Variants in TECTB observed in about 807,000 individuals in gnomAD.
The protein encoded by TECTB is beta-tectorin.
A neutral mutation model predicts 43.3 loss-of-function variants in TECTB; 45 were observed. That is an observed-to-expected ratio of 1.04 (90% CI 0.82 to 1.33). TECTB has a LOEUF of 1.33. Among genes scored for constraint, TECTB ranks in the 40% most tolerant of loss-of-function variants. The pLI is 0.00. For missense variants in TECTB, 399 were observed against 404.7 expected (o/e 0.99, Z 0.12); for synonymous variants, 169 against 156.7 (o/e 1.08, Z -0.59).
At position 112,283,666 on chromosome 10, in the gene TECTB, C is replaced by A; in HGVS notation, c.-69C>A. The stretch of plus-strand genomic sequence containing the variant: ...GACTTAGAATGATCGAGGCTCAGGC[C>A]CTGGAAGGACCGTAAACATTTGGCC... On this transcript the variant is annotated 5_prime_UTR_variant, in exon 2 of 11. Coordinates refer to ENST00000646139, the MANE Select transcript of TECTB (RefSeq NM_058222.3). 1 of 1,459,834 alleles carries A rather than the reference C, an allele frequency of 6.9e-7. No individual in the cohort carries two copies. The highest frequency in any genetic ancestry group is 9.6e-7 in the Non-Finnish European group (1 of 1,046,682). 90.4% of individuals were successfully genotyped at this position (1,459,834 alleles called of 1,614,324 possible). A position where few individuals can be genotyped will look rare whatever the true frequency, so the allele number is the denominator to read the frequency against.
Position 112,283,686 on chromosome 10 carries a change from TTGGCCAGCTTGGTTTGGATACC to T in TECTB, c.-44_-23del, listed in dbSNP as rs1848430872. 2 of 1,589,882 alleles carry T rather than the reference TTGGCCAGCTTGGTTTGGATACC, an allele frequency of 1.3e-6. No individual in the cohort carries two copies. Among genetic ancestry groups the T allele is most frequent in the Non-Finnish European group, 1.7e-6 (2 of 1,159,624 alleles). On this transcript the variant is annotated 5_prime_UTR_variant, in exon 2 of 11. Transcript: ENST00000646139. ...CAGGCCCTGGAAGGACCGTAAACAT[TTGGCCAGCTTGGTTTGGATACC>T]TGGCAGAGACCAGGTTCTGAGAAGC...
At chr10:112,298,856 T>C (rs1399321654) in intron 8 of TECTB, among the ~76,000 whole-genome samples, 1 of 152,230 alleles carries the variant, frequency 6.6e-6, no homozygotes, top group African/African-American at 2.4e-5. Flanking sequence ...AATCTCAAAC[T>C]GTTCTCCTTT....
intron 8 of TECTB, among the ~76,000 whole-genome samples, chr10:112,298,937 C>T (rs991256560): frequency 6.6e-6 from 1 of 152,124 alleles, no homozygotes; most frequent in Non-Finnish European, 1.5e-5. Context: ...TAGTAACCAA[C>T]AAAAATAAGG....
chr10:112,298,056 C>T lies in TECTB; in HGVS notation c.672-13C>T. On this transcript the variant is annotated splice_polypyrimidine_tract_variant and intron_variant, in intron 7 of 10. Coordinates refer to ENST00000646139, the MANE Select transcript of TECTB (RefSeq NM_058222.3). ...GAGATGACAGTTCACTCTTCTTTCC[C>T]CATCTGCCTCAGCTGCCCCACGGAT... is the stretch of plus-strand genomic sequence containing the variant. 6.2e-7 allele frequency: 1 copy of T among 1,614,054 alleles called. No individual in the cohort carries two copies. The highest frequency in any genetic ancestry group is 8.5e-7 in the Non-Finnish European group (1 of 1,180,010).
rs1333252487 is a variant in TECTB at position 112,294,074 on chromosome 10, T to C, written c.671+13T>C. On this transcript the variant is annotated intron_variant, in intron 7 of 10. Coordinates refer to ENST00000646139, the MANE Select transcript of TECTB (RefSeq NM_058222.3). ...TGATCAACAAGGGGTAGGTACACTA[T>C]CTAGAGACAGGGCTGAACAGTGGAA... 1.2e-6 allele frequency: 2 copies of C among 1,612,172 alleles called. No individual in the cohort carries two copies. The highest frequency in any genetic ancestry group is 1.7e-6 in the Non-Finnish European group (2 of 1,178,410).
At position 112,284,641 on chromosome 10, in the gene TECTB, T is replaced by C. The variant is rs754257781; in HGVS notation, c.183T>C (p.Asn61=). Residue 61 remains asparagine, a synonymous_variant, in exon 3 of 11, where the codon AAT becomes AAC. Transcript: ENST00000646139. ...TGGCCCTCGGAGGGCTGTGTTACAA[T>C]GGGGTCCACGAAGGAGGTTACTACC... is the stretch of plus-strand genomic sequence containing the variant. ...HQLALGGLCY[N]GVHEGGYYQF... The C allele has an allele frequency of 3.1e-6, 5 of 1,613,796 alleles. No homozygotes were observed. The highest frequency in any genetic ancestry group is 4.2e-6 in the Non-Finnish European group (5 of 1,179,862).
intron 7 of TECTB, among the ~76,000 whole-genome samples, chr10:112,295,376 C>T (rs1848536625): frequency 2.0e-5 from 3 of 152,194 alleles, no homozygotes; most frequent in Admixed American, 2.0e-4. Context: ...TCATTAAACC[C>T]TCTCTAAAGT....
chr10:112,300,303 G>GAAAGAAAGAAAGA (rs1364078563), intron 9 of TECTB, among the ~76,000 whole-genome samples: 5 of 100,868 alleles, frequency 5.0e-5, no homozygotes, highest in Non-Finnish European at 9.9e-5. Flanking sequence ...AAGAAAGAAA[G>GAAAGAAAGAAAGA]AAAGAAAGAA....
intron 5 of TECTB, among the ~76,000 whole-genome samples, chr10:112,287,178 C>G (rs1412541700): frequency 6.6e-6 from 1 of 152,178 alleles, no homozygotes; most frequent in East Asian, 1.9e-4. Context: ...GGGTCGGCCT[C>G]CACTGCCTAA....
At chr10:112,289,401 CA>C (rs1677757333) in intron 5 of TECTB, among the ~76,000 whole-genome samples, 1 of 152,134 alleles carries the variant, frequency 6.6e-6, no homozygotes, top group African/African-American at 2.4e-5. Context: ...GGAGTCAAAA[CA>C]AGCCTCCGAG....
intron 5 of TECTB, among the ~76,000 whole-genome samples, chr10:112,290,629 C>T (rs181420069): frequency 1.1e-4 from 17 of 152,272 alleles, no homozygotes; most frequent in African/African-American, 2.4e-4. Context: ...GGGACTACAT[C>T]GGGGTCCCCA....
In TECTB at chr10:112,283,891, T is replaced by C. The variant is rs969995325; in HGVS notation, c.76+81T>C. 3.6e-6 allele frequency: 5 copies of C among 1,400,698 alleles called. No individual in the cohort carries two copies. The South Asian group carries it at 5.2e-5, about 15-fold the overall frequency. 86.8% of individuals were successfully genotyped at this position (1,400,698 alleles called of 1,614,324 possible). Reference sequence around the variant, plus strand: ...TTACAATGCTCAGCACTTCTGTGCTTAACTTGTTATAAAAATGTAATGATG... The same window carrying C: ...TTACAATGCTCAGCACTTCTGTGCTCAACTTGTTATAAAAATGTAATGATG... On this transcript the variant is annotated intron_variant, in intron 2 of 10. Coordinates refer to ENST00000646139, the MANE Select transcript of TECTB (RefSeq NM_058222.3).
intron 10 of TECTB, chr10:112,302,409 T>G: frequency 2.3e-6 from 1 of 429,452 alleles, no homozygotes; most frequent in Non-Finnish European, 4.1e-6. Context: ...CCCAGATGGC[T>G]TCCCTTGGAT....
At chr10:112,301,453 A>G (rs565030657) in intron 9 of TECTB, among the ~76,000 whole-genome samples, 29 of 152,138 alleles carry the variant, frequency 1.9e-4, no homozygotes, top group African/African-American at 6.5e-4. Context: ...CAGTGCCTTT[A>G]AAGAAAGTTT....
intron 9 of TECTB, among the ~76,000 whole-genome samples, chr10:112,300,263 AAAG>A (rs1443136739): frequency 2.4e-3 from 78 of 32,386 alleles, no homozygotes; most frequent in Middle Eastern, 0.016. Context: ...AGAAAGAAAG[AAAG>A]AAAGAAAGAA....
intron 9 of TECTB, 138 bp downstream of exon 9, chr10:112,299,702 G>C (rs1848581034): frequency 1.2e-6 from 1 of 865,238 alleles, no homozygotes; most frequent in South Asian, 1.6e-5. Context: ...ACCTGCTCCT[G>C]GAGTCTTCCA....
chr10:112,303,403 A>T lies in TECTB; in HGVS notation c.*91A>T, dbSNP rs932799016. 6 of 1,513,662 alleles carry T rather than the reference A, an allele frequency of 4.0e-6. No individual in the cohort carries two copies. Among genetic ancestry groups the T allele is most frequent in the Non-Finnish European group, 4.6e-6 (5 of 1,089,596 alleles). The allele number at this position is 1,513,662 out of a possible 1,614,324, so 93.8% of individuals were successfully genotyped here. On this transcript the variant is annotated 3_prime_UTR_variant, in exon 11 of 11. Transcript: ENST00000646139. ...TTGTGCTGCCAAAAAGAACAAACAG[A>T]AGACCACATTGTTGGGGGGCAGAGA...
At chr10:112,299,355 C>T (rs1228138105) in intron 8 of TECTB, 137 bp from the exon 9 acceptor site, 14 of 732,242 alleles carry the variant, frequency 1.9e-5, no homozygotes, top group Non-Finnish European at 1.8e-5. Context: ...GGTAACTCAT[C>T]TCTGTTGACT....
At position 112,299,139 on chromosome 10, in the gene TECTB, T is replaced by C. The variant is rs141183908; in HGVS notation, c.835-353T>C. ...GAAAAGAAAATGAACCAGAATACAATTGCAAGTGTCCACTTCTCTAATTAT... is the reference window on the plus strand; with the variant it reads ...GAAAAGAAAATGAACCAGAATACAACTGCAAGTGTCCACTTCTCTAATTAT... On this transcript the variant is annotated intron_variant, in intron 8 of 10. Transcript: ENST00000646139. Among the ~76,000 whole-genome samples, 521 of 152,202 alleles carry C rather than the reference T, an allele frequency of 3.4e-3. 2 individuals are homozygous for C. The highest frequency in any genetic ancestry group is 0.012 in the African/African-American group (483 of 41,526).
Sources: gnomAD v4.1 joint callset for allele counts (sites outside exome capture counted in the v4.1 genomes callset) on GRCh38, gnomAD v4.1.1 for gene constraint, MANE v1.5 for transcripts, NCBI Gene and HGNC (gene_info 2026-07-23, HGNC 2026-07-21) for gene names.